CSMD2: variants seen among roughly 807,000 people sequenced by gnomAD.
CSMD2 encodes CUB and sushi domain-containing protein 2.
A neutral mutation model predicts 398.5 loss-of-function variants in CSMD2; 130 were observed. The observed-to-expected ratio is 0.33, with a 90% CI of 0.28 to 0.38. The LOEUF (loss-of-function observed/expected upper bound fraction) is 0.38, where lower values mean the gene tolerates loss of function less well. CSMD2 is among the 10% of genes least tolerant of loss of function. CSMD2 has a pLI of 1.00. For synonymous variants in CSMD2, 1,828 were observed against 1,908.5 expected, an observed-to-expected ratio of 0.96 and a Z score of 1.10; for missense variants, 3,829 against 4,764.9, an observed-to-expected ratio of 0.80 and a Z score of 5.78.
intron 4 of CSMD2, among the ~76,000 whole-genome samples, chr1:33,923,265 T>A (rs1020560158): frequency 2.0e-5 from 3 of 152,144 alleles, no homozygotes; most frequent in Non-Finnish European, 4.4e-5. Flanking sequence ...GGATGCCTCA[T>A]GGCTTGGTGC....
intron 8 of CSMD2, 100 bp from the exon 9 acceptor site, chr1:33,819,937 C>T: frequency 6.8e-7 from 1 of 1,469,332 alleles, no homozygotes; most frequent in South Asian, 1.3e-5. Context: ...TGTTATTTTT[C>T]CTTCTGGCCC....
chr1:33,898,905 A>G (rs1395228890), intron 5 of CSMD2, among the ~76,000 whole-genome samples: 1 of 152,204 alleles, frequency 6.6e-6, no homozygotes, highest in African/African-American at 2.4e-5. Flanking sequence ...ACAGATTCCA[A>G]TAATTGTGAG....
At chr1:33,912,974 G>A (rs887176224) in intron 5 of CSMD2, among the ~76,000 whole-genome samples, 24 of 152,010 alleles carry the variant, frequency 1.6e-4, no homozygotes, top group African/African-American at 4.6e-4. Context: ...CACCACATCC[G>A]TCTAATTTTT....
Position 33,742,506 on chromosome 1 carries a change from T to C in CSMD2, c.2173+774A>G, listed in dbSNP as rs143576305. 8.8e-3 allele frequency among the ~76,000 whole-genome samples: 1,342 copies of C among 152,088 alleles called. 16 individuals carry two copies. The highest frequency in any genetic ancestry group is 0.03 in the African/African-American group (1,264 of 41,462). On this transcript the variant is annotated intron_variant, in intron 14 of 70. Transcript: ENST00000373381. The stretch of plus-strand genomic sequence containing the variant: ...TCATCAGCCAAGTCCACTGGATTTA[T>C]AGCTTCTTACGACCTGATAACCACT...
chr1:33,804,946 C>G (rs1031417093), intron 10 of CSMD2: 1 of 713,896 alleles, frequency 1.4e-6, no homozygotes, highest in African/African-American at 1.8e-5. Context: ...TCCCTCAGCA[C>G]TACCTGAAGC....
At chr1:33,892,875 C>T (rs10799004) in intron 5 of CSMD2, among the ~76,000 whole-genome samples, 109,584 of 152,126 alleles carry the variant, frequency 0.72, 39,853 homozygotes, top group East Asian at 0.85. Context: ...GACTTTGAAG[C>T]AGAAAGTGAG....
Position 34,154,991 on chromosome 1 carries a change from G to A in CSMD2, c.187+9920C>T, listed in dbSNP as rs992831137. ...TCTGCCTGCCTCAGCCTCCCAAAGC[G>A]CTGGGATTACAGGCGTGAGCCACCG... On this transcript the variant is annotated intron_variant, in intron 1 of 70. Transcript: ENST00000373381. Among the ~76,000 whole-genome samples, 6 of 152,166 alleles carry A rather than the reference G, an allele frequency of 3.9e-5. No homozygotes were observed. In the East Asian group the frequency reaches 7.7e-4, roughly 20 times the overall value.
At chr1:33,980,115 C>G (rs1183208279) in intron 3 of CSMD2, among the ~76,000 whole-genome samples, 1 of 152,160 alleles carries the variant, frequency 6.6e-6, no homozygotes, top group Non-Finnish European at 1.5e-5. Flanking sequence ...GAACCCTCAA[C>G]TCTTATCTGG....
In CSMD2 at chr1:34,136,740, G is replaced by A. The variant is rs10914874; in HGVS notation, c.187+28171C>T. On this transcript the variant is annotated intron_variant, in intron 1 of 70. Transcript: ENST00000373381. ...TTAAACAATAAATTATGAAAACTCCGATCCATCTATTATTCAATCATCCTT... is the reference window on the plus strand; with the variant it reads ...TTAAACAATAAATTATGAAAACTCCAATCCATCTATTATTCAATCATCCTT... Among the ~76,000 whole-genome samples, 282 of 152,218 alleles carry A rather than the reference G, an allele frequency of 1.9e-3. 1 individual carries two copies. The highest frequency in any genetic ancestry group is 6.2e-3 in the African/African-American group (258 of 41,524).
At position 33,874,549 on chromosome 1, in the gene CSMD2, C is replaced by A. The variant is rs114965585; in HGVS notation, c.921-27553G>T. Among the ~76,000 whole-genome samples the A allele has an allele frequency of 7.1e-3, 1,085 of 152,304 alleles. 11 individuals carry two copies. The highest frequency in any genetic ancestry group is 0.024 in the African/African-American group (993 of 41,562). On this transcript the variant is annotated intron_variant, in intron 5 of 70. Coordinates refer to ENST00000373381, the MANE Select transcript of CSMD2 (RefSeq NM_001281956.2). ...AGGGACATGTATTTTGCATGTGGGCCAGAAGGCCTCCTGGGCATCTGGACA... is the reference window on the plus strand; with the variant it reads ...AGGGACATGTATTTTGCATGTGGGCAAGAAGGCCTCCTGGGCATCTGGACA...
chr1:33,717,126 G>C (rs901876298), intron 19 of CSMD2, among the ~76,000 whole-genome samples: 1 of 152,066 alleles, frequency 6.6e-6, no homozygotes, highest in African/African-American at 2.4e-5. Flanking sequence ...TGTGTAAAGG[G>C]ACTGTCAATT....
chr1:33,899,022 T>G (rs558901943), intron 5 of CSMD2, among the ~76,000 whole-genome samples: 1 of 152,064 alleles, frequency 6.6e-6, no homozygotes, highest in Non-Finnish European at 1.5e-5. Flanking sequence ...GTGGCATCCA[T>G]AAAGACAACA....
chr1:33,709,050 A>G, intron 22 of CSMD2, 39 bp downstream of exon 22: 1 of 1,544,662 alleles, frequency 6.5e-7, no homozygotes, highest in Non-Finnish European at 8.8e-7. Context: ...AGACTATTGC[A>G]TACTATAACA....
At chr1:34,051,557 A>G (rs1188835670) in intron 2 of CSMD2, among the ~76,000 whole-genome samples, 12 of 152,194 alleles carry the variant, frequency 7.9e-5, no homozygotes, top group Non-Finnish European at 1.2e-4. Context: ...TTCATATAGC[A>G]TAAGATATAA....
intron 25 of CSMD2, among the ~76,000 whole-genome samples, chr1:33,677,671 C>T (rs369312103): frequency 2.3e-4 from 35 of 152,024 alleles, no homozygotes; most frequent in Middle Eastern, 3.4e-3. Context: ...ATGTTTATGG[C>T]GGCACTATTC....
chr1:33,925,932 G>C (rs941922383), intron 4 of CSMD2, among the ~76,000 whole-genome samples: 1 of 152,062 alleles, frequency 6.6e-6, no homozygotes, highest in Admixed American at 6.6e-5. Flanking sequence ...CGTTGGGCCT[G>C]ACTGCCCCCT....
At chr1:33,910,035 C>T (rs1246643703) in intron 5 of CSMD2, among the ~76,000 whole-genome samples, 7 of 152,176 alleles carry the variant, frequency 4.6e-5, no homozygotes, top group Admixed American at 4.6e-4. Context: ...AGCCCCTCCT[C>T]CTCTCTACCC....
chr1:33,643,898 G>T (rs915996706), intron 29 of CSMD2, among the ~76,000 whole-genome samples: 1 of 111,038 alleles, frequency 9.0e-6, no homozygotes, highest in Non-Finnish European at 2.0e-5. Flanking sequence ...ATGAAGGAAG[G>T]AAGGAAGGAA....
rs199839692 is a variant in CSMD2, at chr1:33,572,495, C to T, written c.7762+11G>A. On this transcript the variant is annotated intron_variant, in intron 50 of 70. Coordinates refer to ENST00000373381, the MANE Select transcript of CSMD2 (RefSeq NM_001281956.2). ...CTTCCTTACACCCGCCTCCATTGCC[C>T]GAGGACTCACGGACACACTGTGGTG... 73 of 1,573,708 alleles carry T rather than the reference C, an allele frequency of 4.6e-5. No individual in the cohort carries two copies. Among genetic ancestry groups the T allele is most frequent in the Non-Finnish European group, 5.6e-5 (65 of 1,153,140 alleles).
Sources: gnomAD v4.1 joint callset for allele counts (sites outside exome capture counted in the v4.1 genomes callset) on GRCh38, gnomAD v4.1.1 for gene constraint, MANE v1.5 for transcripts, NCBI Gene and HGNC (gene_info 2026-07-23, HGNC 2026-07-21) for gene names.